PCDH7: variants seen among roughly 807,000 people sequenced by gnomAD.
The protein encoded by PCDH7 is protocadherin-7.
Under a neutral mutation model 58.9 loss-of-function variants are expected in PCDH7, and 17 were observed. That is an observed-to-expected ratio of 0.29 (90% confidence interval 0.20 to 0.43). The LOEUF (loss-of-function observed/expected upper bound fraction) is 0.43, where lower values mean the gene tolerates loss of function less well. Ranked by LOEUF, PCDH7 falls within the 20% of genes least tolerant of loss-of-function variation. The pLI, the probability that PCDH7 is intolerant of heterozygous loss-of-function variation, is 1.00. For synonymous variants in PCDH7, 664 were observed against 616.4 expected (o/e 1.08, Z -1.14); for missense variants, 1,274 against 1,441.0 (o/e 0.88, Z 1.88).
At chr4:31,123,654 G>A (rs902365968) in intron 3 of PCDH7, among the ~76,000 whole-genome samples, 3 of 152,290 alleles carry the variant, frequency 2.0e-5, no homozygotes, top group African/African-American at 7.2e-5. Flanking sequence ...GTGTTAAACA[G>A]CTCAGTGAAG....
rs1577531253 is a variant in PCDH7 at position 30,723,149 on chromosome 4, C to T, written c.1727C>T (p.Ser576Phe). The T allele has an allele frequency of 6.2e-7, 1 of 1,614,102 alleles. No individual in the cohort carries two copies. ...GCCGAGATCGCCTACTCGCTGGACT[C>T]CTCTGTGATGGGGATCTTTGCCATC... Residue 576 changes from serine (S) to phenylalanine (F), a missense_variant, in exon 1 of 2, where the codon TCC becomes TTC. Coordinates refer to ENST00000361762, the Ensembl canonical transcript of PCDH7. The surrounding 1 kb of genome is among the most constrained non-coding windows in gnomAD (Gnocchi z 4.6).
At chr4:30,926,329 C>T (rs1375479412) in intron 2 of PCDH7, among the ~76,000 whole-genome samples, 3 of 151,864 alleles carry the variant, frequency 2.0e-5, no homozygotes, top group Admixed American at 6.6e-5. Context: ...GGACTATAGG[C>T]GCCCGCCACC....
chr4:30,752,783 C>CAAAAAAA (rs35860745), intron 1 of PCDH7, among the ~76,000 whole-genome samples: 5 of 99,548 alleles, frequency 5.0e-5, no homozygotes, highest in Non-Finnish European at 8.1e-5. Flanking sequence ...CCTGTAGGGG[C>CAAAAAAA]AAAAAAAAAA....
intron 3 of PCDH7, among the ~76,000 whole-genome samples, chr4:31,131,971 T>C (rs1719047526): frequency 6.6e-6 from 1 of 152,202 alleles, no homozygotes; most frequent in Admixed American, 6.5e-5. Flanking sequence ...CTTTCAATTC[T>C]ACTTCAAATA....
chr4:31,142,690 C>A (rs1282052697), exon 4 of PCDH7: 1 of 1,367,672 alleles, frequency 7.3e-7, no homozygotes, highest in South Asian at 1.1e-5. Flanking sequence ...GCAACAGAAA[C>A]CTCCTGAACA....
At chr4:30,831,890 C>T (rs1472715495) in intron 1 of PCDH7, among the ~76,000 whole-genome samples, 2 of 152,014 alleles carry the variant, frequency 1.3e-5, no homozygotes, top group Non-Finnish European at 2.9e-5. Flanking sequence ...AGTTCTGTCT[C>T]TAATATTAAA....
intron 1 of PCDH7, among the ~76,000 whole-genome samples, chr4:30,859,823 G>A (rs1160683134): frequency 1.3e-5 from 2 of 152,136 alleles, no homozygotes; most frequent in Non-Finnish European, 2.9e-5. Context: ...AAAGCCAACA[G>A]GACTTTGCTT....
At chr4:30,967,816 A>G (rs1749127573) in intron 3 of PCDH7, among the ~76,000 whole-genome samples, 1 of 152,076 alleles carries the variant, frequency 6.6e-6, no homozygotes, top group African/African-American at 2.4e-5. Context: ...TCTATAGTAC[A>G]CCCCCAATTA....
chr4:30,762,322 A>C (rs1720133619), intron 1 of PCDH7, among the ~76,000 whole-genome samples: 1 of 152,184 alleles, frequency 6.6e-6, no homozygotes, highest in African/African-American at 2.4e-5. Flanking sequence ...TTTAAGGATG[A>C]TTATTCATTG....
At chr4:30,880,698 C>T (rs934693265) in intron 1 of PCDH7, among the ~76,000 whole-genome samples, 1 of 152,142 alleles carries the variant, frequency 6.6e-6, no homozygotes, top group African/African-American at 2.4e-5. Flanking sequence ...AAAAGGCCAA[C>T]CTCTCCTTTT....
At chr4:30,796,969 C>CT (rs887794843) in intron 1 of PCDH7, among the ~76,000 whole-genome samples, 1,869 of 145,750 alleles carry the variant, frequency 0.013, 43 homozygotes, top group African/African-American at 0.043. Context: ...TTTTCTTTTT[C>CT]TTTTTTTTTT....
intron 3 of PCDH7, among the ~76,000 whole-genome samples, chr4:31,121,848 T>A (rs1479198971): frequency 6.6e-6 from 1 of 152,124 alleles, no homozygotes; most frequent in African/African-American, 2.4e-5. Context: ...AATATGTGGG[T>A]CTCTTTAGTT....
rs1304295707 is a variant in PCDH7 at position 31,040,517 on chromosome 4, T to C, written c.*7+90302T>C. 2.0e-5 allele frequency among the ~76,000 whole-genome samples: 3 copies of C among 152,228 alleles called. No homozygotes were observed. The East Asian group carries it at 5.8e-4, about 29-fold the overall frequency. ...TTTAAATAACCTTAGTTCAAACTAA[T>C]ATGTTGTATCAGTTGAAATAAACGA... On this transcript the variant is annotated intron_variant, in intron 3 of 3. Transcript: ENST00000509759.
intron 2 of PCDH7, among the ~76,000 whole-genome samples, chr4:30,930,673 T>C (rs183769907): frequency 4.1e-4 from 63 of 152,270 alleles, no homozygotes; most frequent in Admixed American, 2.7e-3. Context: ...GGCTAATGCC[T>C]GTAATTGCAG....
chr4:30,861,391 T>C (rs1037919663), intron 1 of PCDH7, among the ~76,000 whole-genome samples: 1 of 150,486 alleles, frequency 6.6e-6, no homozygotes, highest in Non-Finnish European at 1.5e-5. Context: ...GCATGTATGC[T>C]TGTCTGCATG....
intron 2 of PCDH7, 28 bp downstream of exon 2, chr4:30,920,397 A>G (rs1190360579): frequency 7.4e-7 from 1 of 1,349,434 alleles, no homozygotes. Context: ...ATCCACACAC[A>G]TAATCACGCT....
chr4:30,723,814 A>T lies in PCDH7; in HGVS notation c.2392A>T (p.Ser798Cys). ...CAAGCTGTTTGAAATTGATCCCACT[A>T]GTGGTGTGGTTTCCTTAGTGGGAAA... Residue 798 changes from serine to cysteine, a missense_variant, in exon 1 of 2, where the codon AGT (serine) becomes TGT (cysteine). Ser to Cys is a moderately radical substitution (Grantham distance 112). This residue lies in a region of PCDH7 where 731 missense variants were observed against 881.9 expected (regional missense o/e 0.83). Transcript: ENST00000361762. This position sits in a 1 kb window ranked among gnomAD's most constrained non-coding sequence, Gnocchi z 4.6. 1.9e-6 allele frequency: 3 copies of T among 1,614,178 alleles called. No individual in the cohort carries two copies. Among genetic ancestry groups the T allele is most frequent in the Non-Finnish European group, 2.5e-6 (3 of 1,180,032 alleles).
chr4:30,764,445 T>TATTTATC (rs1641278888), intron 1 of PCDH7, among the ~76,000 whole-genome samples: 2 of 151,078 alleles, frequency 1.3e-5, no homozygotes, highest in African/African-American at 5.0e-5. Context: ...TTTTATAAAC[T>TATTTATC]GTTTATCATT....
intron 3 of PCDH7, among the ~76,000 whole-genome samples, chr4:31,013,263 T>C (rs955099306): frequency 7.1e-6 from 1 of 140,360 alleles, no homozygotes; most frequent in Non-Finnish European, 1.6e-5. Flanking sequence ...GAAGTATTTC[T>C]GTGTATTTAA....
Sources: allele counts gnomAD v4.1 joint callset (sites outside exome capture counted in the v4.1 genomes callset), GRCh38; gene constraint gnomAD v4.1.1; regional missense constraint gnomAD v4.1.1; non-coding constraint Gnocchi (gnomAD v3.1); transcripts MANE v1.5; gene names NCBI Gene and HGNC (gene_info 2026-07-23, HGNC 2026-07-21).